Variants in LRIG1 observed in about 807,000 individuals in gnomAD.
LRIG1 encodes the protein leucine rich repeats and immunoglobulin like domains 1.
A neutral mutation model predicts 99.2 loss-of-function variants in LRIG1; 48 were observed. The ratio of observed to expected loss-of-function variants is 0.48; its 90% CI spans 0.38 to 0.62. The LOEUF (loss-of-function observed/expected upper bound fraction) is 0.62, where lower values mean the gene tolerates loss of function less well. Among genes scored for constraint, LRIG1 ranks in the 20% least tolerant of loss-of-function variants. The pLI is 0.00. For missense variants in LRIG1, 1,646 were observed against 1,434.4 expected (o/e 1.15, Z -2.38); for synonymous variants, 772 against 596.1 (o/e 1.29, Z -4.30).
In LRIG1 at chr3:66,380,812, A is replaced by G. The variant is rs1461621346; in HGVS notation, c.2820T>C (p.Cys940=). The G allele has an allele frequency of 6.2e-7, 1 of 1,614,110 alleles. No individual in the cohort carries two copies. Among genetic ancestry groups the G allele is most frequent in the Non-Finnish European group, 8.5e-7 (1 of 1,180,064 alleles). The part of the protein sequence containing the change: ...VCSDCNTEVD[C]YSRGQAFHPQ... ...GGTGGAAGGCTTGTCCCCTGGAGTA[A>G]CAGTCCACTTCGGTGTTGCAGTCAC... The change falls in exon 18 of 19, where the codon TGT becomes TGC. Residue 940 remains cysteine (C), a synonymous_variant. Coordinates refer to ENST00000273261, the MANE Select transcript of LRIG1 (RefSeq NM_015541.3).
At chr3:66,424,959 T>G (rs916239256) in intron 3 of LRIG1, among the ~76,000 whole-genome samples, 1 of 152,226 alleles carries the variant, frequency 6.6e-6, no homozygotes, top group Admixed American at 6.5e-5. Context: ...TAGGCTAGGT[T>G]GTGGTATTCA....
chr3:66,400,869 T>C (rs1240528045), intron 9 of LRIG1, among the ~76,000 whole-genome samples: 1 of 152,060 alleles, frequency 6.6e-6, no homozygotes, highest in Non-Finnish European at 1.5e-5. Context: ...ACCAGGAGGC[T>C]GCCTCCTGGA....
chr3:66,450,071 A>G (rs1002256410), intron 3 of LRIG1, among the ~76,000 whole-genome samples: 7 of 152,232 alleles, frequency 4.6e-5, no homozygotes, highest in African/African-American at 1.4e-4. Flanking sequence ...TCAGCCTCAC[A>G]TAAGACGAAC....
intron 1 of LRIG1, among the ~76,000 whole-genome samples, chr3:66,471,680 C>A (rs1013837064): frequency 6.6e-6 from 1 of 152,172 alleles, no homozygotes; most frequent in Non-Finnish European, 1.5e-5. Context: ...CGCTCTACTG[C>A]GGCAGAAAAC....
rs1274206922 is a variant in LRIG1 at position 66,451,831 on chromosome 3, T to C, written c.291-198A>G. On this transcript the variant is annotated intron_variant, in intron 2 of 18. Transcript: ENST00000273261. Reference sequence around the variant, plus strand: ...TGAGATCACAAAAACTAGCCACTGATCACACCCATGGCTAGAAACAAACAC... The same window carrying C: ...TGAGATCACAAAAACTAGCCACTGACCACACCCATGGCTAGAAACAAACAC... 2.0e-5 allele frequency among the ~76,000 whole-genome samples: 3 copies of C among 152,148 alleles called. No individual in the cohort carries two copies. In the East Asian group the frequency reaches 5.8e-4, roughly 29 times the overall value.
intron 16 of LRIG1, 85 bp from the exon 17 acceptor site, chr3:66,381,716 G>A (rs753058001): frequency 5.5e-6 from 8 of 1,455,406 alleles, no homozygotes; most frequent in Non-Finnish European, 7.5e-6. Flanking sequence ...AAGGCCGCTA[G>A]AACAGTCATT....
chr3:66,443,321 A>C (rs1703606907), intron 3 of LRIG1, among the ~76,000 whole-genome samples: 1 of 39,952 alleles, frequency 2.5e-5, no homozygotes, highest in Non-Finnish European at 4.7e-5. Context: ...GGGGCAGGGG[A>C]TGAGTGAGGG....
intron 3 of LRIG1, among the ~76,000 whole-genome samples, chr3:66,426,724 G>A (rs1380797228): frequency 1.3e-5 from 2 of 152,094 alleles, no homozygotes; most frequent in Admixed American, 6.6e-5. Flanking sequence ...GGGCAAACAG[G>A]GTTACTTTAC....
rs2107914760 is a variant in LRIG1 at position 66,380,843 on chromosome 3, A to G, written c.2789T>C (p.Val930Ala). 11 of 1,614,068 alleles carry G rather than the reference A, an allele frequency of 6.8e-6. No individual in the cohort carries two copies. The highest frequency in any genetic ancestry group is 8.5e-6 in the Non-Finnish European group (10 of 1,179,924). The change falls in exon 18 of 19, where the codon GTA (valine) becomes GCA (alanine). Residue 930 changes from valine to alanine, a missense_variant. Coordinates refer to ENST00000273261, the MANE Select transcript of LRIG1 (RefSeq NM_015541.3). The part of the protein sequence containing the change: ...PHKMEHGGRV[V>A]CSDCNTEVDC... ...CACTTCGGTGTTGCAGTCACTGCATACGACCCGGCCACCGTGTTCTGAAGG... is the reference window on the plus strand; with the variant it reads ...CACTTCGGTGTTGCAGTCACTGCATGCGACCCGGCCACCGTGTTCTGAAGG...
Position 66,431,192 on chromosome 3 carries a change from C to T in LRIG1, c.366-13926G>A, listed in dbSNP as rs147548035. ...GAAGAAGGCTAAACATACTTCATTACAATTGTCAGGGCACATGTGTCCCTG... is the reference window on the plus strand; with the variant it reads ...GAAGAAGGCTAAACATACTTCATTATAATTGTCAGGGCACATGTGTCCCTG... On this transcript the variant is annotated intron_variant, in intron 3 of 18. Transcript: ENST00000273261. 3.2e-3 allele frequency among the ~76,000 whole-genome samples: 489 copies of T among 152,314 alleles called. 1 individual carries two copies. The highest frequency in any genetic ancestry group is 0.01 in the Middle Eastern group (3 of 294).
chr3:66,385,903 T>C, intron 13 of LRIG1, 78 bp downstream of exon 13: 5 of 1,304,942 alleles, frequency 3.8e-6, no homozygotes, highest in Non-Finnish European at 5.4e-6. Context: ...CAGTCATCTC[T>C]ACATGGAAAG....
At position 66,403,968 on chromosome 3, in the gene LRIG1, C is replaced by T. The variant is rs1041816524; in HGVS notation, c.1160+1230G>A. ...ACCCCACTTGGTACTTCTGGCTCTT[C>T]CCAGGTTTGCCCCGTATGGGATAAA... On this transcript the variant is annotated intron_variant, in intron 9 of 18. Transcript: ENST00000273261. Among the ~76,000 whole-genome samples, 10 of 152,314 alleles carry T rather than the reference C, an allele frequency of 6.6e-5. No homozygotes were observed. The South Asian group carries it at 1.0e-3, about 16-fold the overall frequency.
chr3:66,402,604 C>A (rs939851791), intron 9 of LRIG1, among the ~76,000 whole-genome samples: 10 of 152,208 alleles, frequency 6.6e-5, no homozygotes, highest in Admixed American at 5.9e-4. Flanking sequence ...GCAGGGGTCT[C>A]TACCTTCCCA....
chr3:66,498,147 CA>C (rs1381903691), intron 1 of LRIG1: 5 of 152,154 alleles, frequency 3.3e-5, no homozygotes, highest in Non-Finnish European at 5.9e-5. Flanking sequence ...ACATACTAAC[CA>C]GAAATCATGC....
In LRIG1 at chr3:66,380,300, T is replaced by G; in HGVS notation, c.3245A>C (p.Lys1082Thr). 6.2e-7 allele frequency: 1 copy of G among 1,613,850 alleles called. No homozygotes were observed. The highest frequency in any genetic ancestry group is 1.3e-5 in the African/African-American group (1 of 75,026). ...STPLTGQLPG[K>T]QRVPLLLAPK... Reference sequence around the variant, plus strand: ...TGCCAACAGCAGTGGCACCCTCTGTTTCCCGGGGAGCTGTCCTGTCAGTGG... The same window carrying G: ...TGCCAACAGCAGTGGCACCCTCTGTGTCCCGGGGAGCTGTCCTGTCAGTGG... The change falls in exon 19 of 19, where the codon AAA becomes ACA. Residue 1082 changes from lysine (K) to threonine (T), a missense_variant. Transcript: ENST00000273261.
intron 2 of LRIG1, among the ~76,000 whole-genome samples, chr3:66,457,959 G>A (rs929785963): frequency 6.6e-6 from 1 of 152,196 alleles, no homozygotes; most frequent in Non-Finnish European, 1.5e-5. Context: ...AGTTGACTGT[G>A]AGAGTTAAGA....
At chr3:66,401,886 G>A (rs7618227) in intron 9 of LRIG1, among the ~76,000 whole-genome samples, 1,801 of 152,212 alleles carry the variant, frequency 0.012, 36 homozygotes, top group African/African-American at 0.04. Flanking sequence ...CCTGGTTAGC[G>A]CTTGCCAAAT....
chr3:66,461,544 T>C (rs1700354357), intron 2 of LRIG1, among the ~76,000 whole-genome samples: 1 of 152,212 alleles, frequency 6.6e-6, no homozygotes, highest in African/African-American at 2.4e-5. Context: ...AAGACTGATA[T>C]AAAACCACAA....
At chr3:66,412,503 A>C (rs953787827) in intron 6 of LRIG1, among the ~76,000 whole-genome samples, 8 of 152,214 alleles carry the variant, frequency 5.3e-5, no homozygotes, top group African/African-American at 1.9e-4. Flanking sequence ...TGGATGTCCC[A>C]ATCTGCTAGG....
Sources: gnomAD v4.1 joint callset for allele counts (sites outside exome capture counted in the v4.1 genomes callset) on GRCh38, gnomAD v4.1.1 for gene constraint, MANE v1.5 for transcripts, NCBI Gene and HGNC (gene_info 2026-07-23, HGNC 2026-07-21) for gene names.